The following MAGI1 variants were observed in gnomAD, a reference collection of about 807,000 sequenced individuals.
The protein encoded by MAGI1 is membrane-associated guanylate kinase, WW and PDZ domain-containing protein 1.
Under a neutral mutation model 139.9 loss-of-function variants are expected in MAGI1, and 58 were observed. That is an observed-to-expected ratio of 0.41 (90% CI 0.34 to 0.52). The LOEUF (loss-of-function observed/expected upper bound fraction) is 0.52, where lower values mean the gene tolerates loss of function less well. Among genes scored for constraint, MAGI1 ranks in the 20% least tolerant of loss-of-function variants. The probability of loss-of-function intolerance (pLI) is 0.12; values close to 1 mark genes in which losing one functional copy is unlikely to be tolerated. For missense variants in MAGI1, 1,874 were observed against 1,901.6 expected, an observed-to-expected ratio of 0.99 and a Z score of 0.27; for synonymous variants, 812 against 737.9, an observed-to-expected ratio of 1.10 and a Z score of -1.63.
chr3:65,759,336 A>G (rs1415377651), intron 1 of MAGI1, among the ~76,000 whole-genome samples: 1 of 152,190 alleles, frequency 6.6e-6, no homozygotes, highest in Non-Finnish European at 1.5e-5. Context: ...CTCCTTATCT[A>G]TAAAATGGGG....
intron 1 of MAGI1, among the ~76,000 whole-genome samples, chr3:66,030,013 G>C (rs367868624): frequency 6.6e-6 from 1 of 152,106 alleles, no homozygotes; most frequent in South Asian, 2.1e-4. Flanking sequence ...CTTCCATGCA[G>C]GGAAACCTAA....
At chr3:65,773,549 A>G (rs1577068622) in intron 1 of MAGI1, among the ~76,000 whole-genome samples, 1 of 152,104 alleles carries the variant, frequency 6.6e-6, no homozygotes, top group Non-Finnish European at 1.5e-5. Flanking sequence ...AAGACAAAAA[A>G]GAGTGGGGGT....
intron 2 of MAGI1, among the ~76,000 whole-genome samples, chr3:65,506,918 T>A (rs1158770091): frequency 6.6e-6 from 1 of 152,184 alleles, no homozygotes; most frequent in East Asian, 1.9e-4. Context: ...AACAAATACA[T>A]TCGTTCTCAG....
At position 66,038,023 on chromosome 3, in the gene MAGI1, C is replaced by A; in HGVS notation, c.286G>T (p.Ala96Ser). ...TGTCTGACGGCCTTGAAGGTGACGG[C>A]CTCCTTGCAGCTGTCGATGACCCCC... ...VLGVIDSCKEAVTFKAVRQGG... is the reference protein window; with the variant it reads ...VLGVIDSCKESVTFKAVRQGG... Residue 96 changes from alanine to serine, a missense_variant, in exon 1 of 23, where the codon GCC becomes TCC. Physicochemically the swap from Ala to Ser is moderately conservative, Grantham distance 99. This residue lies in a region of MAGI1 where 648 missense variants were observed against 598.1 expected (regional missense o/e 1.08). Coordinates refer to ENST00000402939, the MANE Select transcript of MAGI1 (RefSeq NM_001033057.2). 6.3e-7 allele frequency: 1 copy of A among 1,598,762 alleles called. No individual in the cohort carries two copies. Among genetic ancestry groups the A allele is most frequent in the South Asian group, 1.1e-5 (1 of 89,034 alleles).
At chr3:66,026,872 G>A (rs563130816) in intron 1 of MAGI1, among the ~76,000 whole-genome samples, 1 of 150,924 alleles carries the variant, frequency 6.6e-6, no homozygotes, top group East Asian at 2.0e-4. Flanking sequence ...GGCAGCAAAA[G>A]GGCCAGCCTA....
At chr3:65,399,547 TG>T (rs1239549179) in intron 13 of MAGI1, among the ~76,000 whole-genome samples, 2 of 152,178 alleles carry the variant, frequency 1.3e-5, no homozygotes, top group African/African-American at 4.8e-5. Flanking sequence ...AGCCCCAAGC[TG>T]GGGGCTTATT....
intron 2 of MAGI1, among the ~76,000 whole-genome samples, chr3:65,595,794 G>T (rs568775726): frequency 1.2e-4 from 10 of 83,242 alleles, no homozygotes; most frequent in African/African-American, 5.0e-4. Context: ...GTAAGCTTCC[G>T]TTTTTAACTC....
intron 2 of MAGI1, among the ~76,000 whole-genome samples, chr3:65,612,913 G>A (rs2083193964): frequency 6.6e-6 from 1 of 152,072 alleles, no homozygotes; most frequent in Admixed American, 6.6e-5. Flanking sequence ...AATCTTGATG[G>A]AAAATGTCAG....
At chr3:65,376,375 G>C (rs1942525314) in intron 17 of MAGI1, among the ~76,000 whole-genome samples, 1 of 152,220 alleles carries the variant, frequency 6.6e-6, no homozygotes, top group Non-Finnish European at 1.5e-5. Flanking sequence ...TTTGCCAGCT[G>C]TTGTTTAAGC....
At chr3:65,780,882 T>C (rs1428914339) in intron 1 of MAGI1, among the ~76,000 whole-genome samples, 2 of 152,174 alleles carry the variant, frequency 1.3e-5, no homozygotes, top group African/African-American at 4.8e-5. Context: ...CTACGGGTGA[T>C]TTTTCTGTTT....
chr3:65,644,934 T>C (rs1392210454), intron 1 of MAGI1, among the ~76,000 whole-genome samples: 1 of 150,378 alleles, frequency 6.6e-6, no homozygotes, highest in Non-Finnish European at 1.5e-5. Flanking sequence ...GAAGCGGAGG[T>C]TGCAGTGAGC....
chr3:65,508,963 C>A (rs1389013061), intron 2 of MAGI1, among the ~76,000 whole-genome samples: 2 of 152,178 alleles, frequency 1.3e-5, no homozygotes, highest in Admixed American at 1.3e-4. Context: ...GGTAAGACTG[C>A]CATTAGCTTC....
intron 1 of MAGI1, among the ~76,000 whole-genome samples, chr3:65,885,141 G>A (rs192752196): frequency 1.2e-3 from 177 of 152,274 alleles, no homozygotes; most frequent in East Asian, 3.5e-3. Flanking sequence ...GCTCACATCT[G>A]TAATCCCAAC....
At chr3:65,418,975 C>A (rs13078969) in intron 12 of MAGI1, among the ~76,000 whole-genome samples, 14,539 of 152,258 alleles carry the variant, frequency 0.095, 790 homozygotes, top group South Asian at 0.16. Flanking sequence ...TTCTGTGATA[C>A]AACGCTTTCC....
chr3:65,720,890 C>T (rs2032931994), intron 1 of MAGI1, among the ~76,000 whole-genome samples: 1 of 152,110 alleles, frequency 6.6e-6, no homozygotes. Context: ...GCTAGGACTA[C>T]AGGTGCACAA....
chr3:65,395,630 CCA>C (rs1944319182), intron 13 of MAGI1, among the ~76,000 whole-genome samples: 1 of 9,782 alleles, frequency 1.0e-4, no homozygotes. Context: ...GAGCGAGACT[CCA>C]TCTCAAAAAA....
intron 1 of MAGI1, among the ~76,000 whole-genome samples, chr3:65,853,657 G>C (rs1344502238): frequency 6.6e-6 from 1 of 152,138 alleles, no homozygotes; most frequent in Non-Finnish European, 1.5e-5. Flanking sequence ...TCCAAAAAAG[G>C]GCAGCTGAAT....
At chr3:65,692,398 TGG>T (rs1381453893) in intron 1 of MAGI1, among the ~76,000 whole-genome samples, 1 of 152,176 alleles carries the variant, frequency 6.6e-6, no homozygotes, top group East Asian at 1.9e-4. Context: ...CCTCATGTTA[TGG>T]GTGAAACTGT....
intron 12 of MAGI1, among the ~76,000 whole-genome samples, chr3:65,416,692 A>G (rs1450764687): frequency 1.3e-5 from 2 of 152,208 alleles, no homozygotes; most frequent in East Asian, 3.9e-4. Flanking sequence ...AGTCTGAAAT[A>G]AGCCCAGGTA....
Sources: allele counts gnomAD v4.1 joint callset (sites outside exome capture counted in the v4.1 genomes callset), GRCh38; gene constraint gnomAD v4.1.1; regional missense constraint gnomAD v4.1.1; transcripts MANE v1.5; gene names NCBI Gene and HGNC (gene_info 2026-07-23, HGNC 2026-07-21).